ITGBL1: variants seen among roughly 807,000 people sequenced by gnomAD.
ITGBL1 encodes the protein integrin beta-like protein 1.
Under a neutral mutation model 68.5 loss-of-function variants are expected in ITGBL1, and 51 were observed. The observed-to-expected ratio is 0.74, with a 90% CI of 0.59 to 0.94. The LOEUF is 0.94. Among genes scored for constraint, ITGBL1 ranks in the 40% least tolerant of loss-of-function variants. The pLI is 0.00. For missense variants in ITGBL1, 649 were observed against 647.4 expected, an observed-to-expected ratio of 1.00 and a Z score of -0.03; for synonymous variants, 209 against 227.3, an observed-to-expected ratio of 0.92 and a Z score of 0.72.
intron 9 of ITGBL1, among the ~76,000 whole-genome samples, chr13:101,709,703 GTTTAT>G (rs1595002062): frequency 1.3e-5 from 2 of 152,286 alleles, no homozygotes; most frequent in East Asian, 1.9e-4. Context: ...ATTTATATTT[GTTTAT>G]TTTAAGAGTC....
chr13:101,577,658 G>T (rs917932540), intron 4 of ITGBL1, among the ~76,000 whole-genome samples: 1 of 152,114 alleles, frequency 6.6e-6, no homozygotes, highest in African/African-American at 2.4e-5. Flanking sequence ...AAATTACAGA[G>T]AAAATAAATT....
At chr13:101,536,746 CCTATGGTTGTCTCA>C (rs2049584123) in intron 2 of ITGBL1, among the ~76,000 whole-genome samples, 1 of 151,790 alleles carries the variant, frequency 6.6e-6, no homozygotes, top group African/African-American at 2.4e-5. Context: ...CTATTATTTC[CCTATGGTTGTCTCA>C]CTAGTAAATA....
At chr13:101,680,288 G>A (rs1034799300) in intron 7 of ITGBL1, among the ~76,000 whole-genome samples, 1 of 152,128 alleles carries the variant, frequency 6.6e-6, no homozygotes, top group South Asian at 2.1e-4. Context: ...AGGTTGCTAT[G>A]GCAAACCTAT....
chr13:101,491,418 G>T (rs1417156184), intron 2 of ITGBL1, among the ~76,000 whole-genome samples: 1 of 152,140 alleles, frequency 6.6e-6, no homozygotes, highest in Non-Finnish European at 1.5e-5. Context: ...TATAAGTAGT[G>T]AAGTTTTATT....
intron 3 of ITGBL1, among the ~76,000 whole-genome samples, chr13:101,572,221 T>A (rs555283981): frequency 1.3e-5 from 2 of 152,252 alleles, no homozygotes; most frequent in African/African-American, 4.8e-5. Flanking sequence ...ATGAAGTCTC[T>A]CTATTAATCC....
At chr13:101,524,177 A>G (rs891496208) in intron 2 of ITGBL1, among the ~76,000 whole-genome samples, 3 of 151,638 alleles carry the variant, frequency 2.0e-5, no homozygotes, top group Non-Finnish European at 4.4e-5. Flanking sequence ...AAGTTAAACA[A>G]CTTATTCTGG....
intron 7 of ITGBL1, among the ~76,000 whole-genome samples, chr13:101,649,058 A>ACACT (rs1489284913): frequency 1.3e-5 from 2 of 152,184 alleles, no homozygotes; most frequent in Non-Finnish European, 2.9e-5. Context: ...TATGATTAAC[A>ACACT]CACTTTTATT....
intron 2 of ITGBL1, among the ~76,000 whole-genome samples, chr13:101,486,376 C>T (rs2048703416): frequency 6.6e-6 from 1 of 152,096 alleles, no homozygotes; most frequent in Non-Finnish European, 1.5e-5. Flanking sequence ...TAAAAGACTA[C>T]CCATTGGGTA....
chr13:101,478,303 CA>C (rs1055551246), intron 2 of ITGBL1, among the ~76,000 whole-genome samples: 15 of 152,026 alleles, frequency 9.9e-5, no homozygotes, highest in African/African-American at 3.1e-4. Context: ...TAAAAACCCT[CA>C]AAAAACTGGG....
intron 2 of ITGBL1, among the ~76,000 whole-genome samples, chr13:101,494,420 A>G (rs934924176): frequency 6.6e-6 from 1 of 152,234 alleles, no homozygotes; most frequent in Non-Finnish European, 1.5e-5. Context: ...AAGGGCTAAA[A>G]TATGATAATA....
downstream of ITGBL1, chr13:101,719,150 A>T (rs1198292900): frequency 2.0e-5 from 3 of 152,176 alleles, no homozygotes; most frequent in African/African-American, 7.2e-5. Flanking sequence ...TTAGGGAGAT[A>T]ATTTTAAATG....
chr13:101,566,282 C>A (rs1029531657), intron 2 of ITGBL1, among the ~76,000 whole-genome samples: 16 of 152,008 alleles, frequency 1.1e-4, no homozygotes, highest in Admixed American at 1.1e-3. Flanking sequence ...GAGCCTTAAC[C>A]ACTGCAAGAA....
intron 7 of ITGBL1, among the ~76,000 whole-genome samples, chr13:101,605,716 A>G (rs552718395): frequency 6.9e-4 from 105 of 151,472 alleles, no homozygotes; most frequent in African/African-American, 2.3e-3. Context: ...GTATGTGCGT[A>G]TATGCGTGTA....
intron 3 of ITGBL1, among the ~76,000 whole-genome samples, chr13:101,571,445 T>G (rs2050271077): frequency 6.6e-6 from 1 of 152,144 alleles, no homozygotes. Context: ...AAATACAATT[T>G]AGCTTATTTA....
chr13:101,557,027 G>T (rs918116245), intron 2 of ITGBL1, among the ~76,000 whole-genome samples: 1 of 152,190 alleles, frequency 6.6e-6, no homozygotes, highest in Admixed American at 6.5e-5. Context: ...ATTGGAGCCT[G>T]CACTCCACAG....
downstream of ITGBL1, chr13:101,720,728 T>A (rs1245988716): frequency 6.7e-6 from 1 of 150,326 alleles, no homozygotes; most frequent in Non-Finnish European, 1.5e-5. Context: ...TCTAATATAT[T>A]TTAACTGTTC....
Position 101,470,737 on chromosome 13 carries a change from A to G in ITGBL1, c.316+16637A>G, listed in dbSNP as rs2048445575. Among the ~76,000 whole-genome samples, 8 of 152,164 alleles carry G rather than the reference A, an allele frequency of 5.3e-5. No homozygotes were observed. The South Asian group carries it at 1.7e-3, about 32-fold the overall frequency. On this transcript the variant is annotated intron_variant, in intron 2 of 10. Coordinates refer to ENST00000376180, the MANE Select transcript of ITGBL1 (RefSeq NM_004791.3). ...GAGAATAGCAATAGTCTGGAAAAAA[A>G]TTCCTTTTCTAGTAGGACAACATTC...
chr13:101,605,012 G>GCA (rs1566753217), intron 7 of ITGBL1, among the ~76,000 whole-genome samples: 65 of 32,070 alleles, frequency 2.0e-3, no homozygotes, highest in African/African-American at 5.0e-3. Flanking sequence ...ACATATATGC[G>GCA]TATATGTGTA....
intron 8 of ITGBL1, among the ~76,000 whole-genome samples, chr13:101,703,470 A>C (rs2034182622): frequency 6.6e-6 from 1 of 152,238 alleles, no homozygotes; most frequent in Non-Finnish European, 1.5e-5. Context: ...AAACATAACA[A>C]AGGCTAGAGT....
Sources: gnomAD v4.1 joint callset for allele counts (sites outside exome capture counted in the v4.1 genomes callset) on GRCh38, gnomAD v4.1.1 for gene constraint, MANE v1.5 for transcripts, NCBI Gene and HGNC (gene_info 2026-07-23, HGNC 2026-07-21) for gene names.